Variants in ADAMTSL1 observed in about 807,000 individuals in gnomAD.
ADAMTSL1 encodes ADAMTS-like protein 1.
ADAMTSL1 carries 126 observed loss-of-function variants against 201.8 expected under a neutral mutation model. That is an observed-to-expected ratio of 0.62 (90% confidence interval 0.54 to 0.72). The LOEUF is 0.72. Ranked by LOEUF, ADAMTSL1 falls within the 30% of genes least tolerant of loss-of-function variation. The pLI, the probability that ADAMTSL1 is intolerant of heterozygous loss-of-function variation, is 0.00. For missense variants in ADAMTSL1, 2,679 were observed against 2,277.8 expected, an observed-to-expected ratio of 1.18 and a Z score of -3.59; for synonymous variants, 1,121 against 903.4, an observed-to-expected ratio of 1.24 and a Z score of -4.32.
intron 2 of ADAMTSL1, among the ~76,000 whole-genome samples, chr9:18,304,648 CT>C (rs77501277): frequency 0.073 from 10,365 of 142,478 alleles, 1,103 homozygotes; most frequent in African/African-American, 0.24. Context: ...AGGGCCTAAA[CT>C]TTTTTTTTTT....
intron 2 of ADAMTSL1, among the ~76,000 whole-genome samples, chr9:18,271,567 G>C (rs1235333460): frequency 1.3e-5 from 2 of 152,100 alleles, no homozygotes; most frequent in African/African-American, 4.8e-5. Flanking sequence ...TCTTAATCCA[G>C]TCTAACATTG....
chr9:18,290,889 C>G (rs933914137), intron 2 of ADAMTSL1, among the ~76,000 whole-genome samples: 1 of 151,270 alleles, frequency 6.6e-6, no homozygotes, highest in African/African-American at 2.4e-5. Flanking sequence ...TCACGCCATT[C>G]TCCTGCCTCA....
intron 2 of ADAMTSL1, among the ~76,000 whole-genome samples, chr9:18,506,891 C>T (rs1196826736): frequency 6.6e-6 from 1 of 152,050 alleles, no homozygotes; most frequent in Admixed American, 6.5e-5. Flanking sequence ...GAAGGCATTT[C>T]CAAATCCAAC....
intron 4 of ADAMTSL1, among the ~76,000 whole-genome samples, chr9:18,585,240 T>A (rs952120456): frequency 2.0e-5 from 3 of 152,166 alleles, no homozygotes; most frequent in African/African-American, 7.2e-5. Context: ...AGTGAAAGAG[T>A]TTCTATGGCT....
At chr9:18,811,376 T>G (rs1467360908) in intron 20 of ADAMTSL1, among the ~76,000 whole-genome samples, 1 of 152,092 alleles carries the variant, frequency 6.6e-6, no homozygotes, top group South Asian at 2.1e-4. Context: ...ACTGGGGTGG[T>G]GTAGAGGAGG....
chr9:18,498,497 T>C (rs985897804), intron 1 of ADAMTSL1, among the ~76,000 whole-genome samples: 5 of 152,086 alleles, frequency 3.3e-5, no homozygotes, highest in African/African-American at 9.7e-5. Context: ...TCACCATGCC[T>C]GGCTAATTTT....
At chr9:18,085,054 C>T (rs926670183) in intron 1 of ADAMTSL1, among the ~76,000 whole-genome samples, 3 of 152,036 alleles carry the variant, frequency 2.0e-5, no homozygotes, top group Admixed American at 1.3e-4. Flanking sequence ...GCAAGTGCTA[C>T]CATGCTGAGC....
intron 1 of ADAMTSL1, among the ~76,000 whole-genome samples, chr9:18,082,097 A>T (rs1396793299): frequency 6.6e-6 from 1 of 152,240 alleles, no homozygotes; most frequent in Non-Finnish European, 1.5e-5. Flanking sequence ...AAATGCAAAT[A>T]AGCTCATTTT....
At chr9:18,869,577 T>A (rs544577520) in intron 23 of ADAMTSL1, among the ~76,000 whole-genome samples, 1 of 152,246 alleles carries the variant, frequency 6.6e-6, no homozygotes, top group Non-Finnish European at 1.5e-5. Flanking sequence ...AAAGGAGGGT[T>A]TATCTAGATG....
At chr9:18,388,188 T>C (rs920428921) in intron 2 of ADAMTSL1, among the ~76,000 whole-genome samples, 1 of 151,760 alleles carries the variant, frequency 6.6e-6, no homozygotes, top group African/African-American at 2.4e-5. Context: ...GATTTTGTTA[T>C]TTTTTTTCTA....
At chr9:18,329,780 G>GCATTCATT (rs10547462) in intron 2 of ADAMTSL1, among the ~76,000 whole-genome samples, 1 of 152,006 alleles carries the variant, frequency 6.6e-6, no homozygotes, top group African/African-American at 2.4e-5. Context: ...ACTTATGTAT[G>GCATTCATT]CATTCATTCA....
intron 4 of ADAMTSL1, among the ~76,000 whole-genome samples, chr9:18,614,701 C>T (rs1219623024): frequency 1.3e-5 from 2 of 152,074 alleles, no homozygotes; most frequent in African/African-American, 2.4e-5. Flanking sequence ...AGATTGAGAC[C>T]AAGCCTACCA....
At chr9:18,339,631 C>T (rs149360126) in intron 2 of ADAMTSL1, among the ~76,000 whole-genome samples, 1 of 152,018 alleles carries the variant, frequency 6.6e-6, no homozygotes, top group African/African-American at 2.4e-5. Flanking sequence ...TATTTTTTAA[C>T]TTTTTTTACA....
At chr9:18,355,323 A>G (rs148197341) in intron 2 of ADAMTSL1, among the ~76,000 whole-genome samples, 2,629 of 152,276 alleles carry the variant, frequency 0.017, 34 homozygotes, top group Non-Finnish European at 0.027. Context: ...TAAATTTTTT[A>G]TAACAAGTCT....
At chr9:18,873,345 T>C (rs768919075) in intron 23 of ADAMTSL1, among the ~76,000 whole-genome samples, 1 of 152,240 alleles carries the variant, frequency 6.6e-6, no homozygotes, top group Non-Finnish European at 1.5e-5. Context: ...GCGTTTGCTT[T>C]GGGTTCTTGG....
chr9:18,405,888 A>G (rs781089846), intron 2 of ADAMTSL1, among the ~76,000 whole-genome samples: 26 of 152,100 alleles, frequency 1.7e-4, no homozygotes, highest in Non-Finnish European at 3.5e-4. Flanking sequence ...TTCTTTTTTT[A>G]AAAAAACAAT....
chr9:18,795,441 T>A lies in ADAMTSL1; in HGVS notation c.3722T>A (p.Val1241Glu). The change falls in exon 20 of 29, where the codon GTG (valine) becomes GAG (glutamate). Residue 1241 changes from valine to glutamate, a missense_variant. By Grantham distance (121) the Val-to-Glu change is moderately radical. Coordinates refer to ENST00000380548, the MANE Select transcript of ADAMTSL1 (RefSeq NM_001040272.6). ...PDDSLQILAP[V>E]EADVGFYTCN... ...GATTCCTTACAGATCTTGGCACCAGTGGAAGCAGATGTGGGTTTCTACACT... is the reference window on the plus strand; with the variant it reads ...GATTCCTTACAGATCTTGGCACCAGAGGAAGCAGATGTGGGTTTCTACACT... 6.2e-7 allele frequency: 1 copy of A among 1,613,890 alleles called. No individual in the cohort carries two copies. The highest frequency in any genetic ancestry group is 8.5e-7 in the Non-Finnish European group (1 of 1,179,822).
chr9:18,753,559 C>T (rs377570179), intron 16 of ADAMTSL1, 51 bp downstream of exon 16: 12 of 1,549,984 alleles, frequency 7.7e-6, no homozygotes, highest in African/African-American at 2.7e-5. Flanking sequence ...AACAGTGACT[C>T]AAAAAAGGGA....
chr9:18,710,617 T>C (rs758390527), intron 14 of ADAMTSL1, among the ~76,000 whole-genome samples: 1 of 151,342 alleles, frequency 6.6e-6, no homozygotes, highest in Non-Finnish European at 1.5e-5. Flanking sequence ...TCTAGAAATG[T>C]AGCCCTTACT....
Sources: gnomAD v4.1 joint callset for allele counts (sites outside exome capture counted in the v4.1 genomes callset) on GRCh38, gnomAD v4.1.1 for gene constraint, MANE v1.5 for transcripts, NCBI Gene and HGNC (gene_info 2026-07-23, HGNC 2026-07-21) for gene names.